The following SNAPC1 variants were observed in gnomAD, a reference collection of about 807,000 sequenced individuals.
The protein encoded by SNAPC1 is small nuclear RNA activating complex polypeptide 1, also known as snRNA-activating protein complex subunit 1.
Under a neutral mutation model 50.1 loss-of-function variants are expected in SNAPC1, and 42 were observed. The observed-to-expected ratio is 0.84, with a 90% CI of 0.65 to 1.08. SNAPC1 has a LOEUF of 1.08. Among genes scored for constraint, SNAPC1 ranks in the 50% least tolerant of loss-of-function variants. The pLI is 0.00. For missense variants in SNAPC1, 477 were observed against 427.3 expected (o/e 1.12, Z -1.02); for synonymous variants, 164 against 144.2 (o/e 1.14, Z -0.98).
chr14:61,779,391 T>A (rs1265629161), intron 7 of SNAPC1, among the ~76,000 whole-genome samples: 1 of 152,074 alleles, frequency 6.6e-6, no homozygotes, highest in African/African-American at 2.4e-5. Flanking sequence ...GCATCTTTTC[T>A]CTTCTTCAGC....
At chr14:61,785,452 G>A (rs1045683529) in intron 8 of SNAPC1, among the ~76,000 whole-genome samples, 3 of 152,142 alleles carry the variant, frequency 2.0e-5, no homozygotes, top group African/African-American at 7.2e-5. Context: ...AACTGATGGA[G>A]GAAATCTGAA....
In SNAPC1 at chr14:61,791,672, A is replaced by AC. The variant is rs374759707; in HGVS notation, c.977-1130dup. Among the ~76,000 whole-genome samples, 318 of 152,102 alleles carry AC rather than the reference A, an allele frequency of 2.1e-3. 1 individual carries two copies. Among genetic ancestry groups the AC allele is most frequent in the African/African-American group, 7.4e-3 (308 of 41,484 alleles). Reference sequence around the variant, plus strand: ...AAACCAGCCTGGCCAGCATGGTGGAACCCCCATCTCTACTACAAATACAGA... The same window carrying AC: ...AAACCAGCCTGGCCAGCATGGTGGAACCCCCCATCTCTACTACAAATACAGA... On this transcript the variant is annotated intron_variant, in intron 8 of 9. Transcript: ENST00000216294.
intron 6 of SNAPC1, among the ~76,000 whole-genome samples, chr14:61,778,591 A>T (rs573072565): frequency 6.6e-6 from 1 of 152,338 alleles, no homozygotes; most frequent in East Asian, 1.9e-4. Context: ...CCAGGCTTTC[A>T]TTCATACTGT....
At chr14:61,769,843 C>T (rs2044975198) in intron 4 of SNAPC1, among the ~76,000 whole-genome samples, 1 of 152,092 alleles carries the variant, frequency 6.6e-6, no homozygotes, top group Admixed American at 6.6e-5. Flanking sequence ...TCTTTTTAAG[C>T]ATGAGTAGAA....
intron 8 of SNAPC1, among the ~76,000 whole-genome samples, chr14:61,787,447 A>T (rs1407344236): frequency 6.6e-6 from 1 of 152,118 alleles, no homozygotes; most frequent in Non-Finnish European, 1.5e-5. Context: ...AAGGAGTTTA[A>T]TTGAGCAGTG....
intron 1 of SNAPC1, 23 bp from the exon 2 acceptor site, chr14:61,766,853 T>C: frequency 6.7e-7 from 1 of 1,490,446 alleles, no homozygotes; most frequent in Non-Finnish European, 9.3e-7. Flanking sequence ...TGAGTCGTAA[T>C]ATATTTTCTC....
intron 8 of SNAPC1, among the ~76,000 whole-genome samples, chr14:61,791,430 T>C (rs1490018309): frequency 3.3e-5 from 5 of 152,246 alleles, no homozygotes; most frequent in Admixed American, 1.3e-4. Context: ...TACATTAAAG[T>C]CAAATATATT....
intron 1 of SNAPC1, among the ~76,000 whole-genome samples, chr14:61,763,318 T>G (rs1219709337): frequency 3.9e-5 from 6 of 152,034 alleles, no homozygotes; most frequent in Non-Finnish European, 7.4e-5. Context: ...AAGTGCAAAT[T>G]TGATTATGTC....
At chr14:61,783,231 A>AT (rs1043345194) in intron 8 of SNAPC1, among the ~76,000 whole-genome samples, 2 of 151,548 alleles carry the variant, frequency 1.3e-5, no homozygotes, top group African/African-American at 4.8e-5. Flanking sequence ...GGGTTTCACC[A>AT]TGTTGGCCAG....
chr14:61,785,266 G>A (rs974965251), intron 8 of SNAPC1, among the ~76,000 whole-genome samples: 20 of 152,186 alleles, frequency 1.3e-4, no homozygotes, highest in African/African-American at 4.3e-4. Context: ...GCTGGGCTTG[G>A]TGGCACATGC....
In SNAPC1 at chr14:61,795,243, T is replaced by C. The variant is rs2045180767; in HGVS notation, c.*260T>C. 2.5e-6 allele frequency: 1 copy of C among 402,710 alleles called. No individual in the cohort carries two copies. The allele number at this position is 402,710 out of a possible 1,614,324, so 24.9% of individuals were successfully genotyped here. A position where few individuals can be genotyped will look rare whatever the true frequency, so the allele number is the denominator to read the frequency against. On this transcript the variant is annotated 3_prime_UTR_variant, in exon 10 of 10. Transcript: ENST00000216294. Reference sequence around the variant, plus strand: ...GTATGTAATAGAAAAAATTCTGTTATTCGCAGATTGTTACTATTTCCTATA... The same window carrying C: ...GTATGTAATAGAAAAAATTCTGTTACTCGCAGATTGTTACTATTTCCTATA...
chr14:61,774,351 A>G (rs1242474982), intron 4 of SNAPC1, among the ~76,000 whole-genome samples: 3 of 152,102 alleles, frequency 2.0e-5, no homozygotes, highest in Admixed American at 6.6e-5. Context: ...TTTCACCTGT[A>G]TAAGCTTGTT....
intron 7 of SNAPC1, among the ~76,000 whole-genome samples, chr14:61,779,173 C>T (rs1366148956): frequency 6.6e-6 from 1 of 152,156 alleles, no homozygotes; most frequent in Non-Finnish European, 1.5e-5. Context: ...TTATTGTCTT[C>T]CAGCTTCTAG....
intron 8 of SNAPC1, among the ~76,000 whole-genome samples, chr14:61,783,132 C>G (rs8007823): frequency 1.3e-5 from 2 of 149,590 alleles, no homozygotes; most frequent in South Asian, 4.2e-4. Context: ...AAGCAATTCT[C>G]CTGCCTCAGC....
intron 4 of SNAPC1, among the ~76,000 whole-genome samples, chr14:61,772,837 G>C (rs2045003122): frequency 6.6e-6 from 1 of 152,348 alleles, no homozygotes; most frequent in Non-Finnish European, 1.5e-5. Context: ...GAATAGAGAA[G>C]AGTATCAGAA....
At chr14:61,791,532 G>T (rs1359366190) in intron 8 of SNAPC1, among the ~76,000 whole-genome samples, 1 of 152,078 alleles carries the variant, frequency 6.6e-6, no homozygotes, top group Non-Finnish European at 1.5e-5. Context: ...TTATGTTACT[G>T]GGTTTTATAA....
chr14:61,788,636 T>C (rs1480846144), intron 8 of SNAPC1, among the ~76,000 whole-genome samples: 1 of 152,190 alleles, frequency 6.6e-6, no homozygotes, highest in Non-Finnish European at 1.5e-5. Context: ...ACATGATTTT[T>C]ATATTATTTG....
At chr14:61,762,823 C>T (rs545760565) in intron 1 of SNAPC1, among the ~76,000 whole-genome samples, 4 of 152,000 alleles carry the variant, frequency 2.6e-5, no homozygotes, top group Middle Eastern at 3.4e-3. Flanking sequence ...TCTGCCTGGC[C>T]TCCCTTCTAA....
intron 4 of SNAPC1, among the ~76,000 whole-genome samples, chr14:61,769,598 C>T (rs965689320): frequency 7.2e-5 from 11 of 151,744 alleles, no homozygotes; most frequent in Admixed American, 4.6e-4. Flanking sequence ...AGGGTTTTGC[C>T]GTGTTAGCCA....
Sources: gnomAD v4.1 joint callset for allele counts (sites outside exome capture counted in the v4.1 genomes callset) on GRCh38, gnomAD v4.1.1 for gene constraint, MANE v1.5 for transcripts, NCBI Gene and HGNC (gene_info 2026-07-23, HGNC 2026-07-21) for gene names.